Variants in CCDC85A observed in about 807,000 individuals in gnomAD.
CCDC85A encodes the protein coiled-coil domain containing 85A, also known as coiled-coil domain-containing protein 85A.
Under a neutral mutation model 50.2 loss-of-function variants are expected in CCDC85A, and 38 were observed. The ratio of observed to expected loss-of-function variants is 0.76; its 90% CI spans 0.58 to 0.99. The LOEUF is 0.99. CCDC85A is among the 50% of genes least tolerant of loss of function. The pLI is 0.00. For synonymous variants in CCDC85A, 366 were observed against 301.4 expected (o/e 1.21, Z -2.22); for missense variants, 820 against 742.0 (o/e 1.11, Z -1.22).
chr2:56,270,497 G>T (rs757871903), intron 2 of CCDC85A, among the ~76,000 whole-genome samples: 1 of 152,132 alleles, frequency 6.6e-6, no homozygotes, highest in Non-Finnish European at 1.5e-5. Flanking sequence ...AAAAGTAATA[G>T]ATACTTTGTA....
At chr2:56,295,991 T>G (rs759754079) in intron 2 of CCDC85A, among the ~76,000 whole-genome samples, 1 of 152,126 alleles carries the variant, frequency 6.6e-6, no homozygotes, top group Non-Finnish European at 1.5e-5. Flanking sequence ...TTCTTACATA[T>G]GCGATAAAGA....
intron 3 of CCDC85A, among the ~76,000 whole-genome samples, chr2:56,350,658 T>A (rs922987115): frequency 2.0e-5 from 3 of 151,982 alleles, no homozygotes; most frequent in African/African-American, 7.2e-5. Context: ...TACTTTGATC[T>A]CCATTTCCTG....
intron 3 of CCDC85A, among the ~76,000 whole-genome samples, chr2:56,360,179 A>G (rs966306617): frequency 6.6e-6 from 1 of 152,262 alleles, no homozygotes; most frequent in African/African-American, 2.4e-5. Flanking sequence ...GATTAACCAA[A>G]TGCATTCACA....
In CCDC85A at chr2:56,329,943, CTGTTTTTTTTTTTTTT is replaced by C. The variant is rs1355945242; in HGVS notation, c.1241-12934_1241-12919del. ...TGAAAATTTGTTTTTTACAGATTTCCTGTTTTTTTTTTTTTTTTTTTTTTTTTTTTTTTTTTTTACC... is the reference window on the plus strand; with the variant it reads ...TGAAAATTTGTTTTTTACAGATTTCCTTTTTTTTTTTTTTTTTTTTTTACC... On this transcript the variant is annotated intron_variant, in intron 2 of 5. Coordinates refer to ENST00000407595, the MANE Select transcript of CCDC85A (RefSeq NM_001080433.2). Among the ~76,000 whole-genome samples the C allele has an allele frequency of 3.1e-4, 7 of 22,894 alleles. No homozygotes were observed. The South Asian group carries it at 5.6e-3, about 18-fold the overall frequency. The allele number at this position is 22,894 out of a possible 152,430, so 15.0% of individuals were successfully genotyped here.
intron 2 of CCDC85A, among the ~76,000 whole-genome samples, chr2:56,273,775 T>C (rs1670802223): frequency 6.6e-6 from 1 of 151,352 alleles, no homozygotes; most frequent in East Asian, 1.9e-4. Flanking sequence ...GGGTTGGAAG[T>C]AGGAGGACAT....
chr2:56,217,084 C>G (rs993213900), intron 2 of CCDC85A, among the ~76,000 whole-genome samples: 1 of 151,890 alleles, frequency 6.6e-6, no homozygotes, highest in Non-Finnish European at 1.5e-5. Flanking sequence ...TTTCCTCTGT[C>G]AGACTCACCT....
chr2:56,266,630 G>A (rs1670461721), intron 2 of CCDC85A, among the ~76,000 whole-genome samples: 1 of 123,442 alleles, frequency 8.1e-6, no homozygotes, highest in Non-Finnish European at 1.6e-5. Context: ...TGTGATTTAT[G>A]TGAAATGAAT....
At chr2:56,249,635 A>T (rs953541299) in intron 2 of CCDC85A, among the ~76,000 whole-genome samples, 1 of 152,204 alleles carries the variant, frequency 6.6e-6, no homozygotes, top group Non-Finnish European at 1.5e-5. Flanking sequence ...CTTGTTACAT[A>T]TCAGTTTTCT....
At chr2:56,321,598 C>T (rs999806744) in intron 2 of CCDC85A, among the ~76,000 whole-genome samples, 2 of 152,068 alleles carry the variant, frequency 1.3e-5, no homozygotes, top group Non-Finnish European at 2.9e-5. Flanking sequence ...ATATGAAGGA[C>T]GTTTTCAAGG....
intron 2 of CCDC85A, among the ~76,000 whole-genome samples, chr2:56,265,515 A>G (rs1375753121): frequency 6.6e-6 from 1 of 152,192 alleles, no homozygotes; most frequent in African/African-American, 2.4e-5. Flanking sequence ...AAAAGAAGAT[A>G]TACAGATGGC....
At chr2:56,254,452 GATTA>G (rs959818313) in intron 2 of CCDC85A, among the ~76,000 whole-genome samples, 1 of 152,094 alleles carries the variant, frequency 6.6e-6, no homozygotes, top group Non-Finnish European at 1.5e-5. Context: ...ATGCCATATT[GATTA>G]ATTAATTCAT....
chr2:56,320,914 C>A (rs2104259289), intron 2 of CCDC85A, among the ~76,000 whole-genome samples: 1 of 152,222 alleles, frequency 6.6e-6, no homozygotes, highest in East Asian at 1.9e-4. Context: ...AAACCGAATC[C>A]AGCAGCACAT....
chr2:56,361,146 C>A (rs554692720), intron 3 of CCDC85A, among the ~76,000 whole-genome samples: 1 of 151,918 alleles, frequency 6.6e-6, no homozygotes, highest in Non-Finnish European at 1.5e-5. Context: ...CCCAGCTACT[C>A]GGGAGGCTGA....
chr2:56,236,373 C>T (rs1354957051), intron 2 of CCDC85A, among the ~76,000 whole-genome samples: 1 of 152,084 alleles, frequency 6.6e-6, no homozygotes, highest in East Asian at 1.9e-4. Flanking sequence ...GTTGAGGCAG[C>T]CGGGAGAATG....
chr2:56,287,188 A>G (rs1346799176), intron 2 of CCDC85A, among the ~76,000 whole-genome samples: 3 of 152,154 alleles, frequency 2.0e-5, no homozygotes, highest in African/African-American at 7.2e-5. Context: ...TGTAACCCAG[A>G]CTTTTGTCAA....
At chr2:56,244,328 A>T (rs1669404576) in intron 2 of CCDC85A, among the ~76,000 whole-genome samples, 1 of 152,086 alleles carries the variant, frequency 6.6e-6, no homozygotes, top group East Asian at 1.9e-4. Context: ...CAGAGGAATC[A>T]CTGCCTATGC....
Position 56,312,898 on chromosome 2 carries a change from T to C in CCDC85A, c.1241-29981T>C, listed in dbSNP as rs118097467. On this transcript the variant is annotated intron_variant, in intron 2 of 5. Coordinates refer to ENST00000407595, the MANE Select transcript of CCDC85A (RefSeq NM_001080433.2). ...TATTTGTAGTTTTATATATCAAGGA[T>C]AGACTTGTTAGTCTGTAATCCTGAC... Among the ~76,000 whole-genome samples, 7 of 152,334 alleles carry C rather than the reference T, an allele frequency of 4.6e-5. No homozygotes were observed. In the East Asian group the frequency reaches 1.3e-3, roughly 29 times the overall value.
chr2:56,210,005 A>C (rs1189295449), intron 2 of CCDC85A, among the ~76,000 whole-genome samples: 2 of 152,190 alleles, frequency 1.3e-5, no homozygotes, highest in East Asian at 3.9e-4. Context: ...CACATCCTGG[A>C]ATGTTTTTGG....
chr2:56,289,143 C>A (rs1378907158), intron 2 of CCDC85A, among the ~76,000 whole-genome samples: 1 of 152,170 alleles, frequency 6.6e-6, no homozygotes, highest in African/African-American at 2.4e-5. Context: ...GTAGGCAACA[C>A]AGGACCCATG....
Sources: gnomAD v4.1 joint callset for allele counts (sites outside exome capture counted in the v4.1 genomes callset) on GRCh38, gnomAD v4.1.1 for gene constraint, MANE v1.5 for transcripts, NCBI Gene and HGNC (gene_info 2026-07-23, HGNC 2026-07-21) for gene names.